NCOA3: variants seen among roughly 807,000 people sequenced by gnomAD.
The protein encoded by NCOA3 is nuclear receptor coactivator 3, also known as CBP-interacting protein.
Under a neutral mutation model 158.8 loss-of-function variants are expected in NCOA3, and 51 were observed. That is an observed-to-expected ratio of 0.32 (90% CI 0.26 to 0.41). The LOEUF (loss-of-function observed/expected upper bound fraction) is 0.41. Ranked by LOEUF, NCOA3 falls within the 10% of genes least tolerant of loss-of-function variation. The probability of loss-of-function intolerance (pLI) is 1.00; values close to 1 mark genes in which losing one functional copy is unlikely to be tolerated. For missense variants in NCOA3, 1,510 were observed against 1,746.6 expected, an observed-to-expected ratio of 0.86 and a Z score of 2.41; for synonymous variants, 537 against 592.4, an observed-to-expected ratio of 0.91 and a Z score of 1.36.
chr20:47,543,768 C>A (rs1242281125), intron 1 of NCOA3, among the ~76,000 whole-genome samples: 14 of 152,250 alleles, frequency 9.2e-5, no homozygotes, highest in Non-Finnish European at 4.4e-5. Context: ...CCTTGTCCTC[C>A]CAGGGAGCTG....
intron 2 of NCOA3, among the ~76,000 whole-genome samples, chr20:47,609,252 G>A (rs910718709): frequency 2.0e-5 from 3 of 152,132 alleles, no homozygotes; most frequent in African/African-American, 7.2e-5. Context: ...ACTTAGCATA[G>A]GGGATACTAT....
At chr20:47,645,963 A>G (rs401352) in intron 17 of NCOA3, among the ~76,000 whole-genome samples, 10,340 of 152,224 alleles carry the variant, frequency 0.068, 450 homozygotes, top group Non-Finnish European at 0.097. Context: ...ACTCTTGGAA[A>G]GGGAGAATGT....
chr20:47,561,461 C>T (rs2085105008), intron 1 of NCOA3, among the ~76,000 whole-genome samples: 1 of 151,616 alleles, frequency 6.6e-6, no homozygotes, highest in Non-Finnish European at 1.5e-5. Flanking sequence ...GCCAGCACAC[C>T]CAGCTAATTT....
intron 17 of NCOA3, among the ~76,000 whole-genome samples, chr20:47,646,031 G>C (rs7266134): frequency 6.6e-6 from 1 of 152,072 alleles, no homozygotes; most frequent in African/African-American, 2.4e-5. Context: ...GCTGTGTACC[G>C]TCACCATTTG....
chr20:47,581,115 GA>G (rs1255049744), intron 1 of NCOA3, among the ~76,000 whole-genome samples: 1 of 151,706 alleles, frequency 6.6e-6, no homozygotes, highest in Non-Finnish European at 1.5e-5. Flanking sequence ...AAAAGAAAAA[GA>G]AAAAAGCTAC....
intron 8 of NCOA3, among the ~76,000 whole-genome samples, chr20:47,629,579 C>T (rs1466433449): frequency 1.3e-5 from 2 of 152,206 alleles, no homozygotes; most frequent in African/African-American, 4.8e-5. Context: ...AATCCGCCTG[C>T]CTCGGCCTCC....
chr20:47,653,567 A>G lies in NCOA3; in HGVS notation c.*150A>G. On this transcript the variant is annotated 3_prime_UTR_variant, in exon 23 of 23. Transcript: ENST00000371998. ...AGGGTATTTTAAGTGATGTCATTTG[A>G]GCAGGACTGGATTTTAAGCCGAAGG... The G allele has an allele frequency of 1.1e-6, 1 of 934,908 alleles. No homozygotes were observed. Among genetic ancestry groups the G allele is most frequent in the Non-Finnish European group, 1.7e-6 (1 of 600,888 alleles). 57.9% of individuals were successfully genotyped at this position (934,908 alleles called of 1,614,324 possible).
At chr20:47,640,465 AC>A (rs1467629081) in intron 16 of NCOA3, among the ~76,000 whole-genome samples, 8 of 152,234 alleles carry the variant, frequency 5.3e-5, no homozygotes, top group African/African-American at 1.7e-4. Flanking sequence ...TTTTCCCCCA[AC>A]CACCTGCTGC....
Position 47,627,957 on chromosome 20 carries a change from A to T in NCOA3, c.757A>T (p.Ile253Phe). The change falls in exon 8 of 23, where the codon ATT (isoleucine) becomes TTT (phenylalanine). Residue 253 changes from isoleucine to phenylalanine, a missense_variant. Physicochemically the swap from Ile to Phe is conservative, Grantham distance 21. This residue lies in a region of NCOA3 where 309 missense variants were observed against 427.1 expected (regional missense o/e 0.72). Transcript: ENST00000371998. Reference sequence around the variant, plus strand: ...TTGTATGATCTGTGTGGCACGCCGCATTACTACAGGAGAAAGAACATTTCC... The same window carrying T: ...TTGTATGATCTGTGTGGCACGCCGCTTTACTACAGGAGAAAGAACATTTCC... ...QSCMICVARR[I>F]TTGERTFPSN... is the part of the protein sequence containing the mutation. 6.2e-7 allele frequency: 1 copy of T among 1,614,034 alleles called. No homozygotes were observed. The highest frequency in any genetic ancestry group is 8.5e-7 in the Non-Finnish European group (1 of 1,179,972).
intron 16 of NCOA3, among the ~76,000 whole-genome samples, chr20:47,640,343 C>T (rs1235655287): frequency 1.3e-5 from 2 of 152,088 alleles, no homozygotes; most frequent in Non-Finnish European, 2.9e-5. Flanking sequence ...TCTCTCTAGT[C>T]CCATGAGGAG....
intron 1 of NCOA3, among the ~76,000 whole-genome samples, chr20:47,503,226 G>T (rs1281300700): frequency 6.6e-6 from 1 of 152,194 alleles, no homozygotes; most frequent in Non-Finnish European, 1.5e-5. Flanking sequence ...AAAAGCTTCA[G>T]TATTTGTTGC....
In NCOA3 at chr20:47,636,670, G is replaced by GT; in HGVS notation, c.2285dup (p.Asp763GlyfsTer2). On this transcript the variant is annotated frameshift_variant, in exon 12 of 23. Transcript: ENST00000371998. LOFTEE classifies it high-confidence loss of function. ...AGAACTACAGCCCCAAGTGGAAGGA[G>GT]TGGATAATAAAATGAGTCAGTGCAC... 6.2e-7 allele frequency: 1 copy of GT among 1,614,144 alleles called. No homozygotes were observed. The highest frequency in any genetic ancestry group is 8.5e-7 in the Non-Finnish European group (1 of 1,179,996).
At chr20:47,600,504 GT>G (rs35329093) in intron 2 of NCOA3, among the ~76,000 whole-genome samples, 61 of 142,974 alleles carry the variant, frequency 4.3e-4, no homozygotes, top group Admixed American at 4.9e-4. Context: ...GCTTAAATGT[GT>G]TTTTTTTTTT....
At chr20:47,524,326 A>G (rs1318940255) in intron 1 of NCOA3, among the ~76,000 whole-genome samples, 1 of 152,188 alleles carries the variant, frequency 6.6e-6, no homozygotes, top group Non-Finnish European at 1.5e-5. Flanking sequence ...ACACACGGAG[A>G]GAGGGTAAGA....
intron 19 of NCOA3, among the ~76,000 whole-genome samples, chr20:47,650,328 G>A (rs1364417253): frequency 1.4e-5 from 2 of 145,234 alleles, no homozygotes; most frequent in African/African-American, 5.1e-5. Flanking sequence ...TCGGCTCACT[G>A]CAGCGTCAAT....
intron 3 of NCOA3, among the ~76,000 whole-genome samples, chr20:47,623,380 A>G (rs1408206790): frequency 1.3e-5 from 2 of 152,230 alleles, no homozygotes; most frequent in Admixed American, 6.5e-5. Context: ...AAGGCCACCT[A>G]GCTAACAAAG....
chr20:47,561,213 G>A (rs2085099334), intron 1 of NCOA3, among the ~76,000 whole-genome samples: 1 of 150,926 alleles, frequency 6.6e-6, no homozygotes, highest in Non-Finnish European at 1.5e-5. Context: ...GAGGTCAAAG[G>A]ATCTGCTTGC....
At chr20:47,521,122 G>A (rs1375174595) in intron 1 of NCOA3, among the ~76,000 whole-genome samples, 1 of 152,124 alleles carries the variant, frequency 6.6e-6, no homozygotes, top group East Asian at 1.9e-4. Flanking sequence ...TTTTACCTAG[G>A]TTGCTGGCCA....
intron 10 of NCOA3, among the ~76,000 whole-genome samples, chr20:47,634,900 T>TTTC (rs376651469): frequency 5.3e-5 from 8 of 150,386 alleles, no homozygotes; most frequent in Non-Finnish European, 1.0e-4. Context: ...CCCTTCTTCC[T>TTTC]TTCTTCTTCT....
Sources: allele counts gnomAD v4.1 joint callset (sites outside exome capture counted in the v4.1 genomes callset), GRCh38; gene constraint gnomAD v4.1.1; regional missense constraint gnomAD v4.1.1; transcripts MANE v1.5; gene names NCBI Gene and HGNC (gene_info 2026-07-23, HGNC 2026-07-21).